PEX7: variants seen among roughly 807,000 people sequenced by gnomAD.
PEX7 encodes the protein PTS2 receptor.
PEX7 carries 34 observed loss-of-function variants against 47.5 expected under a neutral mutation model. The observed-to-expected ratio is 0.72, with a 90% CI of 0.54 to 0.95. PEX7 has a LOEUF of 0.95. Among genes scored for constraint, PEX7 ranks in the 40% least tolerant of loss-of-function variants. The pLI is 0.00. For missense variants in PEX7, 394 were observed against 400.3 expected (o/e 0.98, Z 0.13); for synonymous variants, 141 against 148.8 (o/e 0.95, Z 0.38).
chr6:136,825,074 C>T (rs1024712476), intron 1 of PEX7, 140 bp from the exon 2 acceptor site: 2 of 714,664 alleles, frequency 2.8e-6, no homozygotes, highest in Non-Finnish European at 5.1e-6. Context: ...ATCACCTGAC[C>T]ATTTGGTATT....
chr6:136,874,549 G>A (rs560835130), intron 8 of PEX7, among the ~76,000 whole-genome samples: 164 of 151,792 alleles, frequency 1.1e-3, no homozygotes, highest in African/African-American at 3.8e-3. Context: ...GCAGGTGCCT[G>A]TAATCCCAGC....
At chr6:136,905,904 C>T (rs911256910) in intron 9 of PEX7, among the ~76,000 whole-genome samples, 3 of 152,174 alleles carry the variant, frequency 2.0e-5, no homozygotes, top group African/African-American at 4.8e-5. Context: ...CCTGTCTCTT[C>T]GCATTTCCTA....
chr6:136,839,905 G>C (rs1156352598), intron 3 of PEX7, among the ~76,000 whole-genome samples: 1 of 152,178 alleles, frequency 6.6e-6, no homozygotes, highest in African/African-American at 2.4e-5. Context: ...AATGTCTAAT[G>C]TGGTAAGCGC....
intron 5 of PEX7, among the ~76,000 whole-genome samples, chr6:136,849,871 G>A (rs913172868): frequency 2.0e-5 from 3 of 152,064 alleles, no homozygotes; most frequent in South Asian, 2.1e-4. Flanking sequence ...TGTTAGGTCT[G>A]CTTGGTGCAG....
Position 136,822,682 on chromosome 6 carries a change from G to T in PEX7, c.17G>T (p.Gly6Val). 1 of 1,522,786 alleles carries T rather than the reference G, an allele frequency of 6.6e-7. No homozygotes were observed. Among genetic ancestry groups the T allele is most frequent in the South Asian group, 1.2e-5 (1 of 83,310 alleles). The allele number at this position is 1,522,786 out of a possible 1,614,324, so 94.3% of individuals were successfully genotyped here. A position where few individuals can be genotyped will look rare whatever the true frequency, so the allele number is the denominator to read the frequency against. Residue 6 changes from glycine (G) to valine (V), a missense_variant, in exon 1 of 10, where the codon GGT becomes GTT. Gly to Val is a moderately radical substitution (Grantham distance 109). Transcript: ENST00000318471. The part of the protein sequence containing the change: MSAVC[G>V]GAARMLRTPG... ...GCGGGCGGGATGAGTGCGGTGTGCG[G>T]TGGAGCGGCGCGGATGCTGCGGACG...
chr6:136,824,406 A>G (rs774796267), intron 1 of PEX7, among the ~76,000 whole-genome samples: 9 of 152,182 alleles, frequency 5.9e-5, no homozygotes, highest in Non-Finnish European at 1.3e-4. Context: ...GGGTATCACT[A>G]TGTTGCCCAG....
intron 8 of PEX7, among the ~76,000 whole-genome samples, chr6:136,886,735 A>G (rs1562752783): frequency 6.6e-6 from 1 of 152,084 alleles, no homozygotes; most frequent in East Asian, 1.9e-4. Flanking sequence ...AAAGTTGAAT[A>G]TGTCTGGGCA....
At chr6:136,879,416 C>T (rs963322268) in intron 8 of PEX7, among the ~76,000 whole-genome samples, 2 of 152,098 alleles carry the variant, frequency 1.3e-5, no homozygotes, top group Admixed American at 6.6e-5. Context: ...ATTTACATTT[C>T]TTTCTTTGAG....
At chr6:136,892,122 TAAAAG>T (rs986244576) in intron 8 of PEX7, among the ~76,000 whole-genome samples, 1 of 152,118 alleles carries the variant, frequency 6.6e-6, no homozygotes, top group African/African-American at 2.4e-5. Context: ...TAAAAAATAT[TAAAAG>T]AGAGAAAAGA....
chr6:136,884,956 A>G (rs1411232332), intron 8 of PEX7, among the ~76,000 whole-genome samples: 1 of 152,178 alleles, frequency 6.6e-6, no homozygotes, highest in Admixed American at 6.5e-5. Flanking sequence ...AGATTTTAGC[A>G]TATTATCTTT....
In PEX7 at chr6:136,900,859, T is replaced by G; in HGVS notation, c.903+2618T>G. On this transcript the variant is annotated intron_variant, in intron 9 of 9. Coordinates refer to ENST00000318471, the MANE Select transcript of PEX7 (RefSeq NM_000288.4). This position sits in a 1 kb window ranked among gnomAD's most constrained non-coding sequence, Gnocchi z 4.2. ...GCCTCTTCTCTTGCTTTGTCTCTGGTCTGTATTATGGGCCAGCTTATGTAG... is the reference window on the plus strand; with the variant it reads ...GCCTCTTCTCTTGCTTTGTCTCTGGGCTGTATTATGGGCCAGCTTATGTAG... The G allele has an allele frequency of 3.3e-6, 1 of 305,546 alleles. No homozygotes were observed. Among genetic ancestry groups the G allele is most frequent in the Non-Finnish European group, 6.2e-6 (1 of 160,698 alleles). The allele number at this position is 305,546 out of a possible 1,614,324, so 18.9% of individuals were successfully genotyped here. A position where few individuals can be genotyped will look rare whatever the true frequency, so the allele number is the denominator to read the frequency against.
In PEX7 at chr6:136,872,215, T is replaced by A; in HGVS notation, c.765T>A (p.Ala255=). 6.2e-7 allele frequency: 1 copy of A among 1,610,132 alleles called. No homozygotes were observed. The highest frequency in any genetic ancestry group is 2.2e-5 in the East Asian group (1 of 44,742). The part of the protein sequence containing the change: ...IRRVKFSPFH[A]SVLASCSYDF... ...TTTTGTAGTTTTCACCATTTCATGCTTCTGTGCTGGCCTCTTGCTCGTATG... is the reference window on the plus strand; with the variant it reads ...TTTTGTAGTTTTCACCATTTCATGCATCTGTGCTGGCCTCTTGCTCGTATG... The change falls in exon 8 of 10, where the codon GCT becomes GCA. Residue 255 remains alanine, a synonymous_variant. Transcript: ENST00000318471.
intron 3 of PEX7, among the ~76,000 whole-genome samples, chr6:136,831,903 T>C (rs1562728354): frequency 6.6e-6 from 1 of 152,264 alleles, no homozygotes; most frequent in Non-Finnish European, 1.5e-5. Flanking sequence ...TGGCATTGAG[T>C]GCCTGTGGCT....
At chr6:136,841,035 C>T (rs1224191744) in intron 3 of PEX7, among the ~76,000 whole-genome samples, 1 of 152,154 alleles carries the variant, frequency 6.6e-6, no homozygotes, top group Admixed American at 6.5e-5. Flanking sequence ...TTTGCTGCTG[C>T]TAAAATATAA....
At chr6:136,875,278 TA>T (rs943680705) in intron 8 of PEX7, among the ~76,000 whole-genome samples, 3 of 34,946 alleles carry the variant, frequency 8.6e-5, no homozygotes, top group African/African-American at 4.0e-4. Flanking sequence ...TTCATTTTGT[TA>T]AAGTATTTAA....
chr6:136,828,069 T>C (rs1582734058), intron 3 of PEX7, among the ~76,000 whole-genome samples: 1 of 152,116 alleles, frequency 6.6e-6, no homozygotes. Flanking sequence ...GGATGATAAC[T>C]GACATCATAA....
intron 9 of PEX7, 96 bp from the exon 10 acceptor site, chr6:136,913,362 G>T: frequency 3.6e-6 from 3 of 825,316 alleles, no homozygotes; most frequent in Non-Finnish European, 6.4e-6. Flanking sequence ...ACTAGTGGAT[G>T]ATTTACGACA....
At chr6:136,868,594 G>A (rs1775115521) in intron 6 of PEX7, among the ~76,000 whole-genome samples, 1 of 151,984 alleles carries the variant, frequency 6.6e-6, no homozygotes, top group African/African-American at 2.4e-5. Flanking sequence ...ACATTTGAGA[G>A]TGATTTACAA....
chr6:136,872,389 G>T, intron 8 of PEX7, 136 bp downstream of exon 8: 1 of 699,550 alleles, frequency 1.4e-6, no homozygotes, highest in South Asian at 1.8e-5. Context: ...ATATTTACTA[G>T]GATTAATATT....
Sources: gnomAD v4.1 joint callset for allele counts (sites outside exome capture counted in the v4.1 genomes callset) on GRCh38, gnomAD v4.1.1 for gene constraint, Gnocchi (gnomAD v3.1) non-coding constraint, MANE v1.5 for transcripts, NCBI Gene and HGNC (gene_info 2026-07-23, HGNC 2026-07-21) for gene names.